WNK1: variants seen among roughly 807,000 people sequenced by gnomAD.
WNK1 encodes the protein WNK lysine deficient protein kinase 1.
A neutral mutation model predicts 222.8 loss-of-function variants in WNK1; 38 were observed. The observed-to-expected ratio is 0.17, with a 90% CI of 0.13 to 0.22. WNK1 has a LOEUF of 0.22. Among genes scored for constraint, WNK1 ranks in the 10% least tolerant of loss-of-function variants. The pLI is 1.00. For synonymous variants in WNK1, 1,090 were observed against 1,092.9 expected (o/e 1.00, Z 0.05); for missense variants, 2,348 against 2,918.4 (o/e 0.80, Z 4.50).
At chr12:855,481 A>C (rs545819195) in intron 4 of WNK1, among the ~76,000 whole-genome samples, 2 of 152,182 alleles carry the variant, frequency 1.3e-5, no homozygotes, top group Non-Finnish European at 2.9e-5. Context: ...CATTTTATGT[A>C]TTTCATTTAT....
At chr12:754,427 C>T in intron 1 of WNK1, 103 bp downstream of exon 1, 1 of 1,496,254 alleles carries the variant, frequency 6.7e-7, no homozygotes, top group East Asian at 2.3e-5. Context: ...CTCTGTTGGA[C>T]TCCGAGTGGG....
intron 6 of WNK1, 58 bp from the exon 7 acceptor site, chr12:860,942 CGGGGGGTGGTGGT>C: frequency 9.2e-7 from 1 of 1,090,516 alleles, no homozygotes; most frequent in Non-Finnish European, 1.2e-6. Context: ...TTTTTTTTGG[CGGGGGGTGGTGGT>C]GGGGGGTGTT....
chr12:829,911 C>A, intron 3 of WNK1, 92 bp from the exon 4 acceptor site: 1 of 1,387,880 alleles, frequency 7.2e-7, no homozygotes, highest in Non-Finnish European at 1.0e-6. Context: ...AATTTCTTCT[C>A]TCTCACAGGT....
rs72652266 is a variant in WNK1 at position 910,633 on chromosome 12, CTT to C, written c.*1842_*1843del. On this transcript the variant is annotated 3_prime_UTR_variant, in exon 28 of 28. Coordinates refer to ENST00000315939, the MANE Select transcript of WNK1 (RefSeq NM_018979.4). ...CTTAATTTTGGGGTGCTTCTTGACT[CTT>C]AGTTGGGAAACTGAAAATATTTCCA... is the stretch of plus-strand genomic sequence containing the variant. 1.7e-4 allele frequency: 26 copies of C among 152,202 alleles called. No homozygotes were observed. Among genetic ancestry groups the C allele is most frequent in the African/African-American group, 6.0e-4 (25 of 41,422 alleles). 9.4% of individuals were successfully genotyped at this position (152,202 alleles called of 1,614,324 possible). A position where few individuals can be genotyped will look rare whatever the true frequency, so the allele number is the denominator to read the frequency against.
rs1042095173 is a variant in WNK1 at position 828,162 on chromosome 12, C to T, written c.1153+900C>T. 1.1e-4 allele frequency among the ~76,000 whole-genome samples: 17 copies of T among 151,252 alleles called. No individual in the cohort carries two copies. The East Asian group carries it at 2.0e-3, about 17-fold the overall frequency. On this transcript the variant is annotated intron_variant, in intron 3 of 27. Coordinates refer to ENST00000315939, the MANE Select transcript of WNK1 (RefSeq NM_018979.4). The stretch of plus-strand genomic sequence containing the variant: ...AAAATACAAAAAAAAAAAAATTAGC[C>T]GGGTGTGGTGGCGGGTGCCTGTAGT...
chr12:843,046 C>G (rs1305966295), intron 4 of WNK1, among the ~76,000 whole-genome samples: 1 of 152,222 alleles, frequency 6.6e-6, no homozygotes, highest in African/African-American at 2.4e-5. Context: ...AGCAATTCTC[C>G]TGCCTCAGCC....
At chr12:794,552 G>C (rs1009879269) in intron 1 of WNK1, among the ~76,000 whole-genome samples, 2 of 148,694 alleles carry the variant, frequency 1.3e-5, no homozygotes, top group African/African-American at 5.0e-5. Flanking sequence ...TGCTTTTTCT[G>C]TGTCTATGGA....
chr12:840,721 C>T (rs959274777), intron 4 of WNK1, among the ~76,000 whole-genome samples: 7 of 152,204 alleles, frequency 4.6e-5, no homozygotes, highest in African/African-American at 1.7e-4. Flanking sequence ...CTTTGTAAAA[C>T]ATGTTCCCCT....
intron 26 of WNK1, among the ~76,000 whole-genome samples, chr12:902,316 G>A (rs61917171): frequency 3.9e-5 from 6 of 152,104 alleles, no homozygotes; most frequent in Non-Finnish European, 7.4e-5. Context: ...AAAAAGAAAC[G>A]AAATGAAGAA....
At chr12:878,454 T>C in intron 10 of WNK1, 93 bp downstream of exon 10, 1 of 1,397,482 alleles carries the variant, frequency 7.2e-7, no homozygotes, top group Non-Finnish European at 9.9e-7. Flanking sequence ...TTCATGTGGA[T>C]AGACTTCTAC....
At chr12:850,455 G>C (rs1007985022) in intron 4 of WNK1, among the ~76,000 whole-genome samples, 4 of 152,184 alleles carry the variant, frequency 2.6e-5, no homozygotes, top group Admixed American at 6.5e-5. Flanking sequence ...GTTCATTGTA[G>C]ATTCTGGATA....
chr12:851,063 A>G (rs1950383240), intron 4 of WNK1, among the ~76,000 whole-genome samples: 2 of 152,214 alleles, frequency 1.3e-5, no homozygotes, highest in South Asian at 4.1e-4. Context: ...AATTAGGTGA[A>G]CAGAGGAACT....
At chr12:768,912 C>T (rs952016475) in intron 1 of WNK1, among the ~76,000 whole-genome samples, 8 of 151,220 alleles carry the variant, frequency 5.3e-5, no homozygotes, top group African/African-American at 9.7e-5. Context: ...CAGGTTCAAG[C>T]GATTCTTCTG....
chr12:872,114 CATTT>C (rs1245365586), intron 9 of WNK1, among the ~76,000 whole-genome samples: 1 of 151,898 alleles, frequency 6.6e-6, no homozygotes, highest in South Asian at 2.1e-4. Context: ...ACTTCAAGAA[CATTT>C]ATTTATTTAT....
At chr12:859,632 G>GTGTGTGGT (rs369513114) in intron 6 of WNK1, among the ~76,000 whole-genome samples, 168 bp downstream of exon 6, 8 of 122,658 alleles carry the variant, frequency 6.5e-5, no homozygotes, top group Admixed American at 2.3e-4. Flanking sequence ...GTGTGTGTGT[G>GTGTGTGGT]TTTTTTTTTT....
At chr12:821,945 C>A (rs1947916750) in intron 2 of WNK1, among the ~76,000 whole-genome samples, 1 of 151,960 alleles carries the variant, frequency 6.6e-6, no homozygotes, top group South Asian at 2.1e-4. Flanking sequence ...CTCTTGTAGA[C>A]AGTATATAGT....
chr12:877,928 C>T, intron 9 of WNK1: 1 of 440,362 alleles, frequency 2.3e-6, no homozygotes, highest in Non-Finnish European at 4.2e-6. Context: ...ATGTAAATGT[C>T]TTTGTAAAGA....
Position 885,284 on chromosome 12 carries a change from A to G in WNK1, c.4480A>G (p.Thr1494Ala), listed in dbSNP as rs1953549798. The G allele has an allele frequency of 6.2e-7, 1 of 1,614,004 alleles. No homozygotes were observed. The highest frequency in any genetic ancestry group is 8.5e-7 in the Non-Finnish European group (1 of 1,180,020). ...TVGATLTSVSTTTSFPSTASQ... is the reference protein window; with the variant it reads ...TVGATLTSVSATTSFPSTASQ... Reference sequence around the variant, plus strand: ...GGGAGCCACATTAACATCAGTTTCTACCACCACTTCATTCCCAAGCACAGC... The same window carrying G: ...GGGAGCCACATTAACATCAGTTTCTGCCACCACTTCATTCCCAAGCACAGC... The change falls in exon 19 of 28, where the codon ACC (threonine) becomes GCC (alanine). Residue 1494 changes from threonine to alanine, a missense_variant. Transcript: ENST00000315939.
chr12:785,210 G>T (rs1022606980), intron 1 of WNK1, among the ~76,000 whole-genome samples: 1 of 152,032 alleles, frequency 6.6e-6, no homozygotes, highest in Non-Finnish European at 1.5e-5. Context: ...TCAGCAATGT[G>T]CCTTGGTATG....
Sources: gnomAD v4.1 joint callset for allele counts (sites outside exome capture counted in the v4.1 genomes callset) on GRCh38, gnomAD v4.1.1 for gene constraint, MANE v1.5 for transcripts, NCBI Gene and HGNC (gene_info 2026-07-23, HGNC 2026-07-21) for gene names.